The following KIAA1217 variants were observed in gnomAD, a reference collection of about 807,000 sequenced individuals.
The protein encoded by KIAA1217 is sickle tail protein homolog.
KIAA1217 carries 88 observed loss-of-function variants against 163.9 expected under a neutral mutation model. The observed-to-expected ratio is 0.54, with a 90% CI of 0.45 to 0.64. The LOEUF (loss-of-function observed/expected upper bound fraction) is 0.64, where lower values mean the gene tolerates loss of function less well. Ranked by LOEUF, KIAA1217 falls within the 30% of genes least tolerant of loss-of-function variation. The probability of loss-of-function intolerance (pLI) is 0.00; values close to 1 mark genes in which losing one functional copy is unlikely to be tolerated. For synonymous variants in KIAA1217, 903 were observed against 923.1 expected (o/e 0.98, Z 0.39); for missense variants, 2,372 against 2,475.0 (o/e 0.96, Z 0.88).
intron 2 of KIAA1217, among the ~76,000 whole-genome samples, chr10:24,292,782 C>T (rs1272694482): frequency 1.3e-5 from 2 of 152,040 alleles, no homozygotes; most frequent in African/African-American, 2.4e-5. Flanking sequence ...GATATCGCAG[C>T]CTGAGTGAGA....
intron 1 of KIAA1217, among the ~76,000 whole-genome samples, chr10:23,729,308 A>C (rs1331731065): frequency 6.6e-6 from 1 of 152,170 alleles, no homozygotes; most frequent in Non-Finnish European, 1.5e-5. Context: ...CATTTGGTAA[A>C]TACTAAGGGG....
chr10:23,728,623 C>T (rs189797330), intron 1 of KIAA1217, among the ~76,000 whole-genome samples: 207 of 152,006 alleles, frequency 1.4e-3, no homozygotes, highest in East Asian at 2.7e-3. Context: ...CTGTTCACTC[C>T]GATGATAGTT....
chr10:24,528,731 T>G (rs920528360), intron 14 of KIAA1217, among the ~76,000 whole-genome samples: 18 of 152,148 alleles, frequency 1.2e-4, no homozygotes, highest in African/African-American at 4.3e-4. Context: ...GTGTTTGCGT[T>G]TTCTATGCAT....
At chr10:24,119,865 T>C (rs2063210251) in intron 2 of KIAA1217, among the ~76,000 whole-genome samples, 9 of 152,200 alleles carry the variant, frequency 5.9e-5, no homozygotes, top group Admixed American at 5.9e-4. Flanking sequence ...AAATGATCTG[T>C]GCTTCCTACA....
intron 3 of KIAA1217, among the ~76,000 whole-genome samples, chr10:24,390,866 G>A (rs2054830065): frequency 6.6e-6 from 1 of 152,144 alleles, no homozygotes; most frequent in African/African-American, 2.4e-5. Context: ...GAGGCTTGCT[G>A]AAAAAAGGCA....
chr10:23,779,849 C>T (rs546461544), intron 1 of KIAA1217, among the ~76,000 whole-genome samples: 21 of 152,276 alleles, frequency 1.4e-4, no homozygotes, highest in South Asian at 2.1e-4. Context: ...TGTATTTTTA[C>T]CGTATCTTTT....
chr10:24,342,359 TA>T (rs1192007354), intron 2 of KIAA1217, among the ~76,000 whole-genome samples: 2 of 152,160 alleles, frequency 1.3e-5, no homozygotes, highest in Non-Finnish European at 2.9e-5. Flanking sequence ...AATTTCAAAT[TA>T]AATGTAATAT....
chr10:24,168,377 A>G (rs893846532), intron 2 of KIAA1217, among the ~76,000 whole-genome samples: 6 of 152,176 alleles, frequency 3.9e-5, no homozygotes, highest in Admixed American at 3.9e-4. Context: ...CAATTAGAAA[A>G]CAGATGAACT....
intron 3 of KIAA1217, among the ~76,000 whole-genome samples, chr10:24,419,187 A>AG (rs1399829809): frequency 2.0e-5 from 3 of 151,694 alleles, no homozygotes; most frequent in African/African-American, 7.3e-5. Context: ...AAAAAAAAAA[A>AG]AAAGAAAGAA....
chr10:24,261,714 A>T (rs1183248674), intron 2 of KIAA1217, among the ~76,000 whole-genome samples: 1 of 152,064 alleles, frequency 6.6e-6, no homozygotes, highest in Non-Finnish European at 1.5e-5. Context: ...GTGAGTGACT[A>T]GGGGGTGGGC....
intron 1 of KIAA1217, among the ~76,000 whole-genome samples, chr10:23,837,445 C>G (rs558816662): frequency 6.6e-6 from 1 of 152,344 alleles, no homozygotes; most frequent in Non-Finnish European, 1.5e-5. Context: ...CTTCACTCTT[C>G]CAGAGCCATG....
rs191311070 is a variant in KIAA1217, at chr10:24,095,033, C to T, written c.-171+87659C>T. On this transcript the variant is annotated intron_variant, in intron 2 of 18. Transcript: ENST00000376462. ...GAGACTCCGTGGGCATAGGACCCTC[C>T]GAGCCAGGTGTGGGATATATTCTTC... Among the ~76,000 whole-genome samples the T allele has an allele frequency of 2.0e-4, 31 of 152,316 alleles. No homozygotes were observed. The East Asian group carries it at 2.3e-3, about 11-fold the overall frequency.
intron 2 of KIAA1217, among the ~76,000 whole-genome samples, chr10:24,140,315 G>A (rs538709852): frequency 1.0e-3 from 150 of 150,262 alleles, no homozygotes; most frequent in African/African-American, 3.5e-3. Flanking sequence ...AGCCGAAATC[G>A]TGCCACTGTA....
rs150224271 is a variant in KIAA1217, at chr10:24,257,337, G to A, written c.354+37428G>A. Among the ~76,000 whole-genome samples, 911 of 152,306 alleles carry A rather than the reference G, an allele frequency of 6.0e-3. 12 individuals carry two copies. The highest frequency in any genetic ancestry group is 0.021 in the African/African-American group (861 of 41,568). On this transcript the variant is annotated intron_variant, in intron 2 of 20. Transcript: ENST00000376454. ...TATTCCTGAGAAAGGATGGAACGGC[G>A]TGGGGGGTGGAGGGAGGGTTGGAAC...
chr10:23,980,441 A>C (rs1845715246), intron 1 of KIAA1217, among the ~76,000 whole-genome samples: 1 of 152,184 alleles, frequency 6.6e-6, no homozygotes, highest in Non-Finnish European at 1.5e-5. Flanking sequence ...CCAGCCTTCT[A>C]CATGTAGGGT....
intron 2 of KIAA1217, among the ~76,000 whole-genome samples, chr10:24,305,863 A>C (rs1590798266): frequency 6.6e-6 from 1 of 152,116 alleles, no homozygotes; most frequent in East Asian, 1.9e-4. Context: ...CTCAGCCTGG[A>C]AGAACATGTT....
At chr10:23,807,693 A>G (rs1320947174) in intron 1 of KIAA1217, among the ~76,000 whole-genome samples, 2 of 152,252 alleles carry the variant, frequency 1.3e-5, no homozygotes, top group African/African-American at 2.4e-5. Flanking sequence ...GCACACAGCC[A>G]CATCAAAAAA....
chr10:24,532,756 A>G (rs1233476328), intron 15 of KIAA1217, among the ~76,000 whole-genome samples: 2 of 152,158 alleles, frequency 1.3e-5, no homozygotes, highest in Non-Finnish European at 1.5e-5. Context: ...GATCCCTCCA[A>G]TGACACGTGG....
rs921995846 is a variant in KIAA1217, at chr10:24,018,553, C to T, written c.-171+11179C>T. Among the ~76,000 whole-genome samples the T allele has an allele frequency of 4.3e-4, 64 of 149,786 alleles. 1 individual carries two copies. The highest frequency in any genetic ancestry group is 1.5e-3 in the African/African-American group (61 of 40,946). ...TGCACATGTACCCTAAAACTTAAAG[C>T]ATAATAATAATAAAAAATAATAATA... On this transcript the variant is annotated intron_variant, in intron 2 of 18. Coordinates refer to the KIAA1217 transcript ENST00000376462.
Sources: gnomAD v4.1 joint callset for allele counts (sites outside exome capture counted in the v4.1 genomes callset) on GRCh38, gnomAD v4.1.1 for gene constraint, MANE v1.5 for transcripts, NCBI Gene and HGNC (gene_info 2026-07-23, HGNC 2026-07-21) for gene names.